The following DIP2A variants were observed in gnomAD, a reference collection of about 807,000 sequenced individuals.
DIP2A encodes the protein disco-interacting protein 2 homolog A.
DIP2A carries 85 observed loss-of-function variants against 177.4 expected under a neutral mutation model. The ratio of observed to expected loss-of-function variants is 0.48; its 90% CI spans 0.40 to 0.57. DIP2A has a LOEUF of 0.57. Among genes scored for constraint, DIP2A ranks in the 20% least tolerant of loss-of-function variants. The probability of loss-of-function intolerance (pLI) is 0.00; values close to 1 mark genes in which losing one functional copy is unlikely to be tolerated. For synonymous variants in DIP2A, 886 were observed against 881.8 expected (o/e 1.00, Z -0.08); for missense variants, 1,791 against 2,100.2 (o/e 0.85, Z 2.88).
chr21:46,564,091 A>G (rs1391541793), intron 35 of DIP2A, among the ~76,000 whole-genome samples, 159 bp downstream of exon 35: 1 of 152,160 alleles, frequency 6.6e-6, no homozygotes, highest in African/African-American at 2.4e-5. Flanking sequence ...CCCAGTTCCT[A>G]TGTAGGATTT....
At chr21:46,544,946 A>C (rs560861277) in intron 18 of DIP2A, among the ~76,000 whole-genome samples, 191 bp from the exon 19 acceptor site, 1 of 152,338 alleles carries the variant, frequency 6.6e-6, no homozygotes, top group Non-Finnish European at 1.5e-5. Flanking sequence ...TATAAAAAAT[A>C]TTACATATAA....
intron 1 of DIP2A, among the ~76,000 whole-genome samples, chr21:46,465,413 A>G (rs2054727198): frequency 7.5e-6 from 1 of 133,788 alleles, no homozygotes; most frequent in Admixed American, 7.1e-5. Flanking sequence ...ACTAAATATA[A>G]CAAAAAAAAA....
intron 16 of DIP2A, chr21:46,539,088 G>A (rs568231463): frequency 1.7e-5 from 3 of 178,856 alleles, no homozygotes; most frequent in South Asian, 2.5e-4. Flanking sequence ...TCCTGCGTAC[G>A]GTGGTCTGAA....
At chr21:46,511,329 A>G (rs982192839) in intron 7 of DIP2A, 88 bp from the exon 8 acceptor site, 2 of 1,327,900 alleles carry the variant, frequency 1.5e-6, no homozygotes, top group African/African-American at 1.5e-5. Context: ...GGATTAAAAA[A>G]CAATATTATA....
At chr21:46,550,172 G>T (rs2060219272) in intron 22 of DIP2A, 1 of 818,006 alleles carries the variant, frequency 1.2e-6, no homozygotes, top group South Asian at 2.2e-5. Context: ...CAGTGATTTT[G>T]AAATGTACAT....
At chr21:46,481,779 A>G (rs1456953597) in intron 1 of DIP2A, among the ~76,000 whole-genome samples, 1 of 152,242 alleles carries the variant, frequency 6.6e-6, no homozygotes, top group Non-Finnish European at 1.5e-5. Flanking sequence ...GGCCAGGTGC[A>G]GTGGCTCACA....
At chr21:46,495,456 C>T (rs540724683) in intron 3 of DIP2A, among the ~76,000 whole-genome samples, 2 of 151,952 alleles carry the variant, frequency 1.3e-5, no homozygotes, top group South Asian at 4.2e-4. Flanking sequence ...TTAGTAGAGA[C>T]AGGGTTTCTC....
Position 46,557,355 on chromosome 21 carries a change from G to A in DIP2A, c.3630-230G>A. The A allele has an allele frequency of 1.1e-5, 7 of 638,250 alleles. No homozygotes were observed. The highest frequency in any genetic ancestry group is 1.9e-5 in the Non-Finnish European group (7 of 376,714). 39.5% of individuals were successfully genotyped at this position (638,250 alleles called of 1,614,324 possible). On this transcript the variant is annotated intron_variant, in intron 30 of 37. Coordinates refer to ENST00000417564, the MANE Select transcript of DIP2A (RefSeq NM_015151.4). This position sits in a 1 kb window ranked among gnomAD's most constrained non-coding sequence, Gnocchi z 6.0. ...TCTAGAAGTGAATGCCTCTGGAGTG[G>A]TGTCCCCGGATCCTCTCCAAGTGTT... is the stretch of plus-strand genomic sequence containing the variant.
At position 46,533,491 on chromosome 21, in the gene DIP2A, C is replaced by T. The variant is rs752207200; in HGVS notation, c.1306-33C>T. The T allele has an allele frequency of 6.9e-6, 11 of 1,603,872 alleles. No homozygotes were observed. The African/African-American group carries it at 1.1e-4, about 16-fold the overall frequency. ...TCTGGGGCTGTGGCTGCTGTGAGCA[C>T]CCCACCCCACACGGTCACTCTGCTT... is the stretch of plus-strand genomic sequence containing the variant. On this transcript the variant is annotated intron_variant, in intron 10 of 37. Coordinates refer to ENST00000417564, the MANE Select transcript of DIP2A (RefSeq NM_015151.4).
chr21:46,488,040 G>T (rs1047935322), intron 2 of DIP2A, among the ~76,000 whole-genome samples: 1 of 152,194 alleles, frequency 6.6e-6, no homozygotes, highest in Non-Finnish European at 1.5e-5. Context: ...ACTGGCATTT[G>T]AGTTACTAAA....
At chr21:46,518,172 G>A (rs904147153) in intron 8 of DIP2A, among the ~76,000 whole-genome samples, 1 of 152,208 alleles carries the variant, frequency 6.6e-6, no homozygotes, top group African/African-American at 2.4e-5. Context: ...GAATACATGG[G>A]CTGTATCCAG....
chr21:46,479,697 G>GT (rs1275661328), intron 1 of DIP2A, among the ~76,000 whole-genome samples: 1 of 151,774 alleles, frequency 6.6e-6, no homozygotes, highest in Non-Finnish European at 1.5e-5. Flanking sequence ...CAGCTAATTG[G>GT]TTTTTTTTCT....
At chr21:46,494,645 G>T (rs1043268738) in intron 3 of DIP2A, among the ~76,000 whole-genome samples, 1 of 152,184 alleles carries the variant, frequency 6.6e-6, no homozygotes, top group African/African-American at 2.4e-5. Context: ...TTATTTACTA[G>T]TTTTCAGAAC....
At chr21:46,490,764 G>A in intron 3 of DIP2A, 45 bp downstream of exon 3, 1 of 1,503,882 alleles carries the variant, frequency 6.6e-7, no homozygotes, top group Non-Finnish European at 8.9e-7. Context: ...CGGGCCTGGA[G>A]CCCTTGGACT....
chr21:46,460,167 T>C (rs1412611298), intron 1 of DIP2A, among the ~76,000 whole-genome samples: 1 of 152,234 alleles, frequency 6.6e-6, no homozygotes, highest in Non-Finnish European at 1.5e-5. Context: ...ACTTAGGAGT[T>C]GTTAGCCCCC....
Position 46,563,812 on chromosome 21 carries a change from C to A in DIP2A, c.4090-46C>A. The A allele has an allele frequency of 6.2e-7, 1 of 1,604,138 alleles. No individual in the cohort carries two copies. The highest frequency in any genetic ancestry group is 1.1e-5 in the South Asian group (1 of 88,768). On this transcript the variant is annotated intron_variant, in intron 34 of 37. Coordinates refer to ENST00000417564, the MANE Select transcript of DIP2A (RefSeq NM_015151.4). The surrounding 1 kb of genome is among the most constrained non-coding windows in gnomAD (Gnocchi z 4.3). Reference sequence around the variant, plus strand: ...TAATGTCACTGAATCAAGAGAGTCTCGTGTCATGTTTTCTTTAACAAGGGA... The same window carrying A: ...TAATGTCACTGAATCAAGAGAGTCTAGTGTCATGTTTTCTTTAACAAGGGA...
chr21:46,522,062 A>G (rs1408187867), intron 8 of DIP2A, among the ~76,000 whole-genome samples: 2 of 152,238 alleles, frequency 1.3e-5, no homozygotes, highest in African/African-American at 2.4e-5. Flanking sequence ...AGCAAACCTA[A>G]TATCTGACCT....
Position 46,558,292 on chromosome 21 carries a change from C to T in DIP2A, c.3868C>T (p.Leu1290=), listed in dbSNP as rs1437169707. The T allele has an allele frequency of 6.2e-7, 1 of 1,611,562 alleles. No homozygotes were observed. Among genetic ancestry groups the T allele is most frequent in the East Asian group, 2.2e-5 (1 of 44,848 alleles). Residue 1290 remains leucine (L), a synonymous_variant, in exon 32 of 38, where the codon CTG becomes TTG. Transcript: ENST00000417564. The stretch of plus-strand genomic sequence containing the variant: ...CGCCGAGGAGCGGCCCAGGATTGCG[C>T]TGACCCAGTCCTTCTCCAAGCTCTT... The part of the protein sequence containing the change: ...VVAEERPRIA[L]TQSFSKLFKD...
chr21:46,502,605 G>A (rs1256391735), intron 5 of DIP2A, among the ~76,000 whole-genome samples: 2 of 151,682 alleles, frequency 1.3e-5, no homozygotes, highest in African/African-American at 2.4e-5. Flanking sequence ...GCACCACCAC[G>A]CCTGGATAAT....
Sources: allele counts gnomAD v4.1 joint callset (sites outside exome capture counted in the v4.1 genomes callset), GRCh38; gene constraint gnomAD v4.1.1; non-coding constraint Gnocchi (gnomAD v3.1); transcripts MANE v1.5; gene names NCBI Gene and HGNC (gene_info 2026-07-23, HGNC 2026-07-21).